TXNRD1: variants seen among roughly 807,000 people sequenced by gnomAD.
The protein encoded by TXNRD1 is thioredoxin reductase 1, cytoplasmic.
In TXNRD1, 57 loss-of-function variants were observed where a neutral mutation model predicts 80.3. The ratio of observed to expected loss-of-function variants is 0.71; its 90% CI spans 0.57 to 0.89. The LOEUF (loss-of-function observed/expected upper bound fraction) is 0.89. Ranked by LOEUF, TXNRD1 falls within the 40% of genes least tolerant of loss-of-function variation. The pLI is 0.00. For synonymous variants in TXNRD1, 291 were observed against 285.2 expected, an observed-to-expected ratio of 1.02 and a Z score of -0.20; for missense variants, 730 against 803.0, an observed-to-expected ratio of 0.91 and a Z score of 1.10.
At chr12:104,251,472 G>A in intron 1 of TXNRD1, 55 bp from the exon 2 acceptor site, 1 of 1,555,540 alleles carries the variant, frequency 6.4e-7, no homozygotes, top group Non-Finnish European at 8.8e-7. Flanking sequence ...ATTAGAAAAT[G>A]CATCATCATG....
At chr12:104,332,697 C>T (rs1593862603) in intron 14 of TXNRD1, among the ~76,000 whole-genome samples, 1 of 132,240 alleles carries the variant, frequency 7.6e-6, no homozygotes. Flanking sequence ...TGCAGTGAGC[C>T]AAGATTGCGC....
intron 1 of TXNRD1, among the ~76,000 whole-genome samples, chr12:104,243,345 A>G (rs1012229145): frequency 6.6e-6 from 1 of 152,152 alleles, no homozygotes; most frequent in African/African-American, 2.4e-5. Context: ...ACTTTCAGAA[A>G]CACATATAAC....
intron 1 of TXNRD1, among the ~76,000 whole-genome samples, chr12:104,226,361 G>A (rs2032472988): frequency 1.3e-5 from 2 of 152,170 alleles, no homozygotes; most frequent in South Asian, 4.1e-4. Flanking sequence ...CCTTGCCTAT[G>A]AAGCACTGTA....
intron 3 of TXNRD1, chr12:104,262,682 G>T (rs1565867610): frequency 6.6e-6 from 1 of 152,316 alleles, no homozygotes; most frequent in Non-Finnish European, 1.5e-5. Flanking sequence ...TTTATTGAGT[G>T]CCTGCTGTGC....
chr12:104,289,174 G>C (rs533190525), intron 4 of TXNRD1, 134 bp downstream of exon 4: 2 of 1,037,930 alleles, frequency 1.9e-6, no homozygotes, highest in South Asian at 3.7e-5. Context: ...GACGAAAAAC[G>C]CTCGTGGGCT....
At chr12:104,243,855 C>T (rs2032927425) in intron 1 of TXNRD1, among the ~76,000 whole-genome samples, 1 of 152,210 alleles carries the variant, frequency 6.6e-6, no homozygotes, top group Admixed American at 6.5e-5. Context: ...TTGCCATGTG[C>T]TTTCATCTGC....
At chr12:104,299,570 C>G (rs1161548489) in intron 4 of TXNRD1, among the ~76,000 whole-genome samples, 1 of 151,858 alleles carries the variant, frequency 6.6e-6, no homozygotes, top group Non-Finnish European at 1.5e-5. Context: ...AGTTCGAGAC[C>G]AGCCTGGTCA....
At position 104,327,551 on chromosome 12, in the gene TXNRD1, C is replaced by A. The variant is rs775818701; in HGVS notation, c.1422C>A (p.Thr474=). 1 of 1,613,314 alleles carries A rather than the reference C, an allele frequency of 6.2e-7. No homozygotes were observed. The highest frequency in any genetic ancestry group is 1.1e-5 in the South Asian group (1 of 91,000). The part of the protein sequence containing the change: ...GKIPVTDEEQ[T]NVPYIYAIGD... The stretch of plus-strand genomic sequence containing the variant: ...TACCTGTCACAGATGAAGAACAGAC[C>A]AATGTGCCTTACATCTATGCCATTG... Residue 474 remains threonine (T), a synonymous_variant, in exon 13 of 17, where the codon ACC becomes ACA. Transcript: ENST00000525566.
intron 9 of TXNRD1, among the ~76,000 whole-genome samples, 186 bp downstream of exon 9, chr12:104,319,771 T>C (rs1349354440): frequency 1.3e-5 from 2 of 152,250 alleles, no homozygotes; most frequent in Non-Finnish European, 2.9e-5. Context: ...GAGAACATTT[T>C]AAATATTGAA....
At chr12:104,237,588 C>T (rs2032766303) in intron 1 of TXNRD1, among the ~76,000 whole-genome samples, 1 of 152,178 alleles carries the variant, frequency 6.6e-6, no homozygotes, top group East Asian at 1.9e-4. Context: ...GGGTTTCACC[C>T]TAAAGCCAGT....
chr12:104,249,977 T>G (rs1370394943), intron 1 of TXNRD1, among the ~76,000 whole-genome samples: 1 of 146,734 alleles, frequency 6.8e-6, no homozygotes, highest in Non-Finnish European at 1.5e-5. Flanking sequence ...CTAGACATAA[T>G]GATTAATAAT....
chr12:104,245,905 C>T (rs1392473506), intron 1 of TXNRD1, among the ~76,000 whole-genome samples: 1 of 151,634 alleles, frequency 6.6e-6, no homozygotes, highest in Admixed American at 6.6e-5. Context: ...GTCAGGAGTT[C>T]GAGACCAGCC....
intron 7 of TXNRD1, 113 bp from the exon 8 acceptor site, chr12:104,318,800 C>A: frequency 9.1e-7 from 1 of 1,098,392 alleles, no homozygotes; most frequent in Non-Finnish European, 1.3e-6. Context: ...TTTGCCCTTT[C>A]AGATTGCCTT....
intron 10 of TXNRD1, among the ~76,000 whole-genome samples, chr12:104,323,779 G>A (rs1324977659): frequency 3.6e-5 from 5 of 139,500 alleles, no homozygotes; most frequent in Non-Finnish European, 6.3e-5. Context: ...CTCACCTCCC[G>A]GACGGGGCGG....
intron 4 of TXNRD1, chr12:104,303,646 G>A (rs1456464158): frequency 2.5e-6 from 1 of 406,960 alleles, no homozygotes; most frequent in Non-Finnish European, 4.3e-6. Flanking sequence ...ATGAGCGAGC[G>A]CCTCGGCTTG....
At chr12:104,346,300 A>G (rs1047644586) in intron 16 of TXNRD1, 4 of 178,306 alleles carry the variant, frequency 2.2e-5, no homozygotes, top group African/African-American at 9.5e-5. Flanking sequence ...GGCGTGAGCC[A>G]CGGTGCCTGG....
At chr12:104,288,195 T>A (rs1013070860) in intron 3 of TXNRD1, among the ~76,000 whole-genome samples, 16 of 152,206 alleles carry the variant, frequency 1.1e-4, no homozygotes, top group Admixed American at 7.2e-4. Context: ...TTCACCATCT[T>A]GGCCAGGCTG....
intron 4 of TXNRD1, among the ~76,000 whole-genome samples, chr12:104,303,211 T>C (rs2034712402): frequency 6.6e-6 from 1 of 152,136 alleles, no homozygotes; most frequent in Non-Finnish European, 1.5e-5. Flanking sequence ...ATACTCAGGA[T>C]GGGTATTGGA....
chr12:104,342,523 T>C (rs1487689436), intron 16 of TXNRD1, among the ~76,000 whole-genome samples: 1 of 152,164 alleles, frequency 6.6e-6, no homozygotes, highest in Non-Finnish European at 1.5e-5. Context: ...ACTAGAACAA[T>C]GTGTGAGTGT....
Sources: allele counts gnomAD v4.1 joint callset (sites outside exome capture counted in the v4.1 genomes callset), GRCh38; gene constraint gnomAD v4.1.1; transcripts MANE v1.5; gene names NCBI Gene and HGNC (gene_info 2026-07-23, HGNC 2026-07-21).